The following IKZF2 variants were observed in gnomAD, a reference collection of about 807,000 sequenced individuals.
IKZF2 encodes the protein IKAROS family zinc finger 2.
A neutral mutation model predicts 49.2 loss-of-function variants in IKZF2; 15 were observed. The observed-to-expected ratio is 0.30, with a 90% CI of 0.20 to 0.47. The LOEUF (loss-of-function observed/expected upper bound fraction) is 0.47, where lower values mean the gene tolerates loss of function less well. Among genes scored for constraint, IKZF2 ranks in the 20% least tolerant of loss-of-function variants. The pLI is 1.00. For missense variants in IKZF2, 567 were observed against 664.6 expected (o/e 0.85, Z 1.61); for synonymous variants, 227 against 221.4 (o/e 1.03, Z -0.23).
intron 4 of IKZF2, among the ~76,000 whole-genome samples, chr2:213,077,574 T>C (rs1420972163): frequency 6.8e-6 from 1 of 147,218 alleles, no homozygotes; most frequent in Non-Finnish European, 1.5e-5. Context: ...GATACTATTC[T>C]ATGTACTTTT....
upstream of IKZF2, among the ~76,000 whole-genome samples, chr2:213,151,856 TGCGC>T (rs920664847): frequency 6.7e-6 from 1 of 149,114 alleles, no homozygotes; most frequent in African/African-American, 2.4e-5. Flanking sequence ...AGAGCGCGTG[TGCGC>T]GCGCGCGCGG....
chr2:213,086,942 T>C (rs1704687676), intron 4 of IKZF2, among the ~76,000 whole-genome samples: 1 of 152,194 alleles, frequency 6.6e-6, no homozygotes, highest in Admixed American at 6.5e-5. Flanking sequence ...ACTGTGGTTT[T>C]ATTAAGTGAT....
At chr2:213,027,338 A>G (rs1053184993) in intron 6 of IKZF2, among the ~76,000 whole-genome samples, 1 of 152,132 alleles carries the variant, frequency 6.6e-6, no homozygotes, top group Non-Finnish European at 1.5e-5. Flanking sequence ...TTGGCTCAAC[A>G]GTGATTACAT....
At chr2:213,069,086 C>G (rs1296793782) in intron 4 of IKZF2, among the ~76,000 whole-genome samples, 1 of 152,154 alleles carries the variant, frequency 6.6e-6, no homozygotes, top group African/African-American at 2.4e-5. Context: ...GATGTGAACC[C>G]TGCCATTATG....
chr2:213,047,920 T>A (rs1270500278), intron 6 of IKZF2, among the ~76,000 whole-genome samples: 1 of 151,278 alleles, frequency 6.6e-6, no homozygotes, highest in East Asian at 1.9e-4. Flanking sequence ...CTAAACAGAG[T>A]AAGAGTAAGG....
intron 6 of IKZF2, among the ~76,000 whole-genome samples, chr2:213,031,474 T>A (rs1698429426): frequency 6.6e-6 from 1 of 152,220 alleles, no homozygotes; most frequent in African/African-American, 2.4e-5. Flanking sequence ...CTGCTTTTTA[T>A]TGTTTTGGGC....
At chr2:213,081,217 G>A (rs1172499157) in intron 4 of IKZF2, 1 of 154,418 alleles carries the variant, frequency 6.5e-6, no homozygotes, top group African/African-American at 2.4e-5. Context: ...ACAAACTGGA[G>A]CATGGCCCAA....
chr2:213,041,008 C>T (rs1275775569), intron 6 of IKZF2, among the ~76,000 whole-genome samples: 1 of 151,868 alleles, frequency 6.6e-6, no homozygotes, highest in African/African-American at 2.4e-5. Flanking sequence ...ATTCCAGCTA[C>T]TTGGGAGGCT....
At chr2:213,060,368 G>A (rs1701567846) in intron 4 of IKZF2, among the ~76,000 whole-genome samples, 1 of 151,252 alleles carries the variant, frequency 6.6e-6, no homozygotes, top group Non-Finnish European at 1.5e-5. Context: ...TACACTATAT[G>A]ATGCCACAAC....
In IKZF2 at chr2:213,003,784, C is replaced by T. The variant is rs1171568345; in HGVS notation, c.*3576G>A. 4.0e-5 allele frequency: 6 copies of T among 151,640 alleles called. No individual in the cohort carries two copies. The highest frequency in any genetic ancestry group is 2.1e-4 in the South Asian group (1 of 4,818). The allele number at this position is 151,640 out of a possible 1,614,324, so 9.4% of individuals were successfully genotyped here. On this transcript the variant is annotated 3_prime_UTR_variant, in exon 9 of 9. Coordinates refer to ENST00000434687, the MANE Select transcript of IKZF2 (RefSeq NM_001387220.1). ...GATAAAAACTATAAAAACAAAATAC[C>T]GGGCTCACTAAACTATTCTTGTCTT...
In IKZF2 at chr2:213,022,032, C is replaced by T; in HGVS notation, c.673G>A (p.Val225Ile). ...ACCTGCCCAGCAGCCTCCATGCTGACATTCTGGAGATAGTTGTGGCAGCGT... is the reference window on the plus strand; with the variant it reads ...ACCTGCCCAGCAGCCTCCATGCTGATATTCTGGAGATAGTTGTGGCAGCGT... ...KERCHNYLQN[V>I]SMEAAGQVMS... The change falls in exon 7 of 9, where the codon GTC becomes ATC. Residue 225 changes from valine (V) to isoleucine (I), a missense_variant. Physicochemically the swap from Val to Ile is conservative, Grantham distance 29 (BLOSUM62 3). Transcript: ENST00000434687. 1 of 1,613,914 alleles carries T rather than the reference C, an allele frequency of 6.2e-7. No individual in the cohort carries two copies.
intron 4 of IKZF2, among the ~76,000 whole-genome samples, chr2:213,057,688 T>C (rs1353329688): frequency 1.3e-5 from 2 of 152,178 alleles, no homozygotes; most frequent in Non-Finnish European, 1.5e-5. Context: ...TTTCGAGCTA[T>C]ATAAATGTAG....
chr2:213,067,976 G>A (rs1374581276), intron 4 of IKZF2, among the ~76,000 whole-genome samples: 1 of 152,048 alleles, frequency 6.6e-6, no homozygotes, highest in Admixed American at 6.6e-5. Flanking sequence ...CTTTAAGCAT[G>A]CCATCCTTGT....
chr2:213,102,779 A>T (rs1559276905), intron 4 of IKZF2, among the ~76,000 whole-genome samples: 1 of 151,996 alleles, frequency 6.6e-6, no homozygotes, highest in Non-Finnish European at 1.5e-5. Flanking sequence ...GTACCAGAAA[A>T]TTTTTTTAAA....
intron 4 of IKZF2, among the ~76,000 whole-genome samples, chr2:213,106,977 A>G (rs2059554269): frequency 6.6e-6 from 1 of 152,224 alleles, no homozygotes. Flanking sequence ...TATGATAAAC[A>G]GCAGATATAT....
intron 6 of IKZF2, among the ~76,000 whole-genome samples, chr2:213,026,303 T>A (rs957436608): frequency 6.6e-6 from 1 of 152,180 alleles, no homozygotes; most frequent in Non-Finnish European, 1.5e-5. Flanking sequence ...ACTAAAGAAC[T>A]ATTCCTGTAT....
At chr2:213,054,078 T>C (rs1373351002) in intron 5 of IKZF2, among the ~76,000 whole-genome samples, 2 of 152,032 alleles carry the variant, frequency 1.3e-5, no homozygotes, top group African/African-American at 2.4e-5. Flanking sequence ...ACCCTGTCTC[T>C]ACTAAAAATA....
At chr2:213,028,793 TTTC>T (rs1268426958) in intron 6 of IKZF2, among the ~76,000 whole-genome samples, 1 of 152,084 alleles carries the variant, frequency 6.6e-6, no homozygotes, top group African/African-American at 2.4e-5. Context: ...GTGTCCATAT[TTTC>T]TTATTACACT....
At chr2:213,113,279 A>C (rs1371885652) in intron 4 of IKZF2, among the ~76,000 whole-genome samples, 1 of 152,040 alleles carries the variant, frequency 6.6e-6, no homozygotes, top group African/African-American at 2.4e-5. Flanking sequence ...GTGGAGATCT[A>C]TAATGGTACA....
Sources: gnomAD v4.1 joint callset for allele counts (sites outside exome capture counted in the v4.1 genomes callset) on GRCh38, gnomAD v4.1.1 for gene constraint, MANE v1.5 for transcripts, NCBI Gene and HGNC (gene_info 2026-07-23, HGNC 2026-07-21) for gene names.